The following SORCS3 variants were observed in gnomAD, a reference collection of about 807,000 sequenced individuals.
The protein encoded by SORCS3 is sortilin related VPS10 domain containing receptor 3, also known as VPS10 domain-containing receptor SorCS3.
In SORCS3, 57 loss-of-function variants were observed where a neutral mutation model predicts 146.3. That is an observed-to-expected ratio of 0.39 (90% CI 0.31 to 0.49). The LOEUF is 0.49. SORCS3 is among the 20% of genes least tolerant of loss of function. The pLI is 0.92. For synonymous variants in SORCS3, 653 were observed against 618.5 expected (o/e 1.06, Z -0.83); for missense variants, 1,341 against 1,575.5 (o/e 0.85, Z 2.52).
intron 1 of SORCS3, among the ~76,000 whole-genome samples, chr10:104,743,285 C>A (rs951572211): frequency 3.3e-5 from 5 of 152,196 alleles, no homozygotes; most frequent in Non-Finnish European, 7.3e-5. Context: ...ACCTAGAGGA[C>A]TATCTCTGCC....
At chr10:104,937,488 A>G (rs57709811) in intron 3 of SORCS3, among the ~76,000 whole-genome samples, 17,217 of 152,266 alleles carry the variant, frequency 0.11, 1,555 homozygotes, top group African/African-American at 0.26. Flanking sequence ...GATAACTAAC[A>G]TAGAATAAGT....
chr10:105,182,877 A>AT (rs1179802578), intron 14 of SORCS3, among the ~76,000 whole-genome samples: 6 of 151,746 alleles, frequency 4.0e-5, no homozygotes, highest in Non-Finnish European at 7.4e-5. Flanking sequence ...TAATTTTTGT[A>AT]TTTTTTATAG....
chr10:105,125,310 C>A (rs1191698707), intron 7 of SORCS3, among the ~76,000 whole-genome samples: 1 of 152,132 alleles, frequency 6.6e-6, no homozygotes, highest in East Asian at 1.9e-4. Flanking sequence ...TAACAACTGA[C>A]ACGAATTAAG....
chr10:104,946,822 G>A (rs976501486), intron 3 of SORCS3, among the ~76,000 whole-genome samples: 4 of 152,076 alleles, frequency 2.6e-5, no homozygotes, highest in African/African-American at 9.7e-5. Flanking sequence ...CTTTTTATAT[G>A]GAATTAATAG....
chr10:104,776,969 G>C (rs543600149), intron 1 of SORCS3, among the ~76,000 whole-genome samples: 2 of 151,388 alleles, frequency 1.3e-5, no homozygotes, highest in Non-Finnish European at 2.9e-5. Context: ...AGGTACATAA[G>C]GGGGAGATAC....
At chr10:105,244,757 A>G (rs192494528) in intron 20 of SORCS3, among the ~76,000 whole-genome samples, 1 of 152,238 alleles carries the variant, frequency 6.6e-6, no homozygotes. Flanking sequence ...TAATTTACAT[A>G]TATTTTCTGC....
intron 2 of SORCS3, among the ~76,000 whole-genome samples, chr10:104,876,692 C>G (rs2018575026): frequency 7.6e-6 from 1 of 132,418 alleles, no homozygotes; most frequent in South Asian, 2.5e-4. Flanking sequence ...ATGCAATGAA[C>G]TGGTCCAGGT....
At chr10:104,993,873 A>G (rs867738428) in intron 4 of SORCS3, among the ~76,000 whole-genome samples, 1 of 152,180 alleles carries the variant, frequency 6.6e-6, no homozygotes, top group Admixed American at 6.5e-5. Context: ...ATGCCCCAAC[A>G]TTTGTCTTTT....
At chr10:104,820,170 A>AT (rs879485785) in intron 1 of SORCS3, among the ~76,000 whole-genome samples, 1 of 152,138 alleles carries the variant, frequency 6.6e-6, no homozygotes, top group African/African-American at 2.4e-5. Context: ...GAGGGAACAG[A>AT]TTTTTTAGGG....
intron 16 of SORCS3, among the ~76,000 whole-genome samples, chr10:105,201,549 T>C (rs956317441): frequency 6.6e-6 from 1 of 152,172 alleles, no homozygotes; most frequent in Non-Finnish European, 1.5e-5. Context: ...ACTGGAGAAG[T>C]TGTGCTGGGC....
At chr10:105,164,183 C>A in intron 11 of SORCS3, 120 bp from the exon 12 acceptor site, 3 of 734,150 alleles carry the variant, frequency 4.1e-6, no homozygotes, top group South Asian at 1.7e-5. Flanking sequence ...AAAGAAACTG[C>A]ACAAATTAGC....
intron 11 of SORCS3, among the ~76,000 whole-genome samples, chr10:105,160,396 G>A (rs1405200937): frequency 6.6e-6 from 1 of 152,200 alleles, no homozygotes; most frequent in Non-Finnish European, 1.5e-5. Flanking sequence ...GGAGGCCGAG[G>A]CAGGTGGATC....
chr10:104,872,323 A>T (rs370075761), intron 2 of SORCS3, among the ~76,000 whole-genome samples: 1 of 152,074 alleles, frequency 6.6e-6, no homozygotes, highest in African/African-American at 2.4e-5. Flanking sequence ...TGGGCTTTTC[A>T]TTGTTAGGAA....
At position 105,041,411 on chromosome 10, in the gene SORCS3, AT is replaced by A. The variant is rs201323035; in HGVS notation, c.955-1643del. On this transcript the variant is annotated intron_variant, in intron 4 of 26. Coordinates refer to ENST00000369701, the MANE Select transcript of SORCS3 (RefSeq NM_014978.3). ...CAGGCTATTTTGAGGATTAAAAAAA[AT>A]ATATATATATATATACACACACATA... Among the ~76,000 whole-genome samples, 288 of 140,540 alleles carry A rather than the reference AT, an allele frequency of 2.0e-3. 1 individual carries two copies. The highest frequency in any genetic ancestry group is 2.7e-3 in the African/African-American group (108 of 39,742). The allele number at this position is 140,540 out of a possible 152,430, so 92.2% of individuals were successfully genotyped here.
chr10:104,691,717 T>G (rs1444789033), intron 1 of SORCS3, among the ~76,000 whole-genome samples: 1 of 152,202 alleles, frequency 6.6e-6, no homozygotes, highest in Non-Finnish European at 1.5e-5. Context: ...TTAAATGAAC[T>G]ATATAATGTG....
At chr10:104,947,624 TTTG>T (rs1232961458) in intron 3 of SORCS3, among the ~76,000 whole-genome samples, 10 of 152,190 alleles carry the variant, frequency 6.6e-5, no homozygotes, top group Admixed American at 1.3e-4. Context: ...GTTTGTTTGT[TTTG>T]TTGTTGTTGT....
chr10:105,149,977 A>G (rs1218195061), intron 9 of SORCS3, among the ~76,000 whole-genome samples: 1 of 152,216 alleles, frequency 6.6e-6, no homozygotes, highest in East Asian at 1.9e-4. Context: ...GACATAACAG[A>G]CAGGGCAACT....
chr10:105,162,095 G>A (rs2056269900), intron 11 of SORCS3, among the ~76,000 whole-genome samples: 1 of 152,150 alleles, frequency 6.6e-6, no homozygotes, highest in Non-Finnish European at 1.5e-5. Context: ...ACTCCCTCTG[G>A]CATGAGTGGT....
At chr10:105,087,074 A>G (rs747376023) in intron 5 of SORCS3, among the ~76,000 whole-genome samples, 1 of 152,184 alleles carries the variant, frequency 6.6e-6, no homozygotes, top group Non-Finnish European at 1.5e-5. Flanking sequence ...TTTATGTTTA[A>G]GTCTTTAATC....
Sources: gnomAD v4.1 joint callset for allele counts (sites outside exome capture counted in the v4.1 genomes callset) on GRCh38, gnomAD v4.1.1 for gene constraint, MANE v1.5 for transcripts, NCBI Gene and HGNC (gene_info 2026-07-23, HGNC 2026-07-21) for gene names.